The following FGF14 variants were observed in gnomAD, a reference collection of about 807,000 sequenced individuals.
The protein encoded by FGF14 is fibroblast growth factor homologous factor 4.
FGF14 carries 5 observed loss-of-function variants against 25.5 expected under a neutral mutation model. That is an observed-to-expected ratio of 0.20 (90% CI 0.10 to 0.41). The LOEUF (loss-of-function observed/expected upper bound fraction) is 0.41. FGF14 is among the 10% of genes least tolerant of loss of function. The pLI is 1.00. For missense variants in FGF14, 222 were observed against 320.1 expected, an observed-to-expected ratio of 0.69 and a Z score of 2.34; for synonymous variants, 138 against 118.3, an observed-to-expected ratio of 1.17 and a Z score of -1.08.
At chr13:101,857,489 T>A (rs1386023118) in intron 3 of FGF14, among the ~76,000 whole-genome samples, 2 of 152,060 alleles carry the variant, frequency 1.3e-5, no homozygotes, top group Non-Finnish European at 2.9e-5. Context: ...AGATCTAATA[T>A]GTTTCTGCTG....
chr13:102,329,124 G>T (rs947343670), intron 1 of FGF14, among the ~76,000 whole-genome samples: 5 of 152,072 alleles, frequency 3.3e-5, no homozygotes, highest in Admixed American at 2.6e-4. Context: ...ACTTTCAGTT[G>T]AGCAAATAGA....
At chr13:101,814,043 T>C (rs1307560671) in intron 3 of FGF14, among the ~76,000 whole-genome samples, 1 of 152,258 alleles carries the variant, frequency 6.6e-6, no homozygotes, top group Non-Finnish European at 1.5e-5. Context: ...AAGTTATGGA[T>C]GTTTCCACTT....
At chr13:102,123,793 A>G (rs992515182) in intron 1 of FGF14, among the ~76,000 whole-genome samples, 3 of 152,138 alleles carry the variant, frequency 2.0e-5, no homozygotes, top group Non-Finnish European at 2.9e-5. Context: ...TTAAAGAGCT[A>G]GTGGTTAGGC....
intron 1 of FGF14, among the ~76,000 whole-genome samples, chr13:102,109,066 G>A (rs1210852480): frequency 6.7e-6 from 1 of 149,318 alleles, no homozygotes; most frequent in Non-Finnish European, 1.5e-5. Flanking sequence ...AGTAACATGT[G>A]TGTGCATGCA....
At chr13:101,985,475 A>C (rs1198450610) in intron 1 of FGF14, among the ~76,000 whole-genome samples, 2 of 152,126 alleles carry the variant, frequency 1.3e-5, no homozygotes, top group African/African-American at 4.8e-5. Context: ...AAAATGCAGA[A>C]AAATCCCATT....
chr13:102,366,302 G>A (rs994322211), intron 1 of FGF14: 1 of 152,116 alleles, frequency 6.6e-6, no homozygotes, highest in Non-Finnish European at 1.5e-5. Flanking sequence ...TAAATCATGA[G>A]TGACTGAAAT....
chr13:101,882,612 A>G lies in FGF14; in HGVS notation c.194-7316T>C, dbSNP rs2045772045. ...GCATTTCTTTAAATGTTTTATGTTAAAAAAATAAGCAGTGGGTGAATTTAA... is the reference window on the plus strand; with the variant it reads ...GCATTTCTTTAAATGTTTTATGTTAGAAAAATAAGCAGTGGGTGAATTTAA... On this transcript the variant is annotated intron_variant, in intron 1 of 4. Transcript: ENST00000376143. Among the ~76,000 whole-genome samples, 3 of 152,044 alleles carry G rather than the reference A, an allele frequency of 2.0e-5. No individual in the cohort carries two copies. The South Asian group carries it at 6.2e-4, about 32-fold the overall frequency.
At chr13:102,107,570 T>G (rs1019286536) in intron 1 of FGF14, among the ~76,000 whole-genome samples, 3 of 152,208 alleles carry the variant, frequency 2.0e-5, no homozygotes, top group African/African-American at 7.2e-5. Context: ...TTTATTGAGC[T>G]CTTACTAATC....
intron 1 of FGF14, among the ~76,000 whole-genome samples, chr13:102,134,470 C>T (rs549852713): frequency 2.0e-5 from 3 of 152,296 alleles, no homozygotes; most frequent in South Asian, 4.1e-4. Flanking sequence ...TATACCTCCA[C>T]GGGAATCAGT....
chr13:102,075,171 A>C (rs1359204480), intron 1 of FGF14, among the ~76,000 whole-genome samples: 2 of 152,234 alleles, frequency 1.3e-5, no homozygotes, highest in African/African-American at 4.8e-5. Flanking sequence ...TAAACATTAA[A>C]AACTCTGAAG....
At chr13:102,101,338 G>C (rs1479568554) in intron 1 of FGF14, among the ~76,000 whole-genome samples, 1 of 152,050 alleles carries the variant, frequency 6.6e-6, no homozygotes, top group Non-Finnish European at 1.5e-5. Flanking sequence ...ATACATACCT[G>C]GGCCTTCCCC....
intron 3 of FGF14, among the ~76,000 whole-genome samples, chr13:101,733,591 CAAAA>C (rs553475621): frequency 4.4e-4 from 43 of 97,342 alleles, no homozygotes; most frequent in Admixed American, 1.1e-3. Context: ...AAGACTCCAT[CAAAA>C]AAAAAAAAAA....
chr13:101,978,275 A>G (rs1170619958), intron 1 of FGF14, among the ~76,000 whole-genome samples: 5 of 152,198 alleles, frequency 3.3e-5, no homozygotes, highest in Admixed American at 6.5e-5. Flanking sequence ...CCACTTATCT[A>G]TAATATGTGC....
chr13:102,161,644 A>AAGAAGAAGAAGAAGG (rs2047728238), intron 1 of FGF14, among the ~76,000 whole-genome samples: 1 of 17,024 alleles, frequency 5.9e-5, no homozygotes. Flanking sequence ...GAAGAAGAAG[A>AAGAAGAAGAAGAAGG]AGAAGAAGAA....
intron 1 of FGF14, among the ~76,000 whole-genome samples, chr13:102,376,214 T>C (rs201781833): frequency 6.6e-6 from 1 of 152,194 alleles, no homozygotes; most frequent in East Asian, 1.9e-4. Flanking sequence ...TGGTAGTGAA[T>C]AAGTCTCACG....
chr13:102,066,814 C>T (rs2042922743), intron 1 of FGF14, among the ~76,000 whole-genome samples: 2 of 152,134 alleles, frequency 1.3e-5, no homozygotes, highest in South Asian at 4.1e-4. Flanking sequence ...AACAAGAGCT[C>T]CCCCCTTTGT....
rs142009092 is a variant in FGF14 at position 101,901,973 on chromosome 13, T to C, written c.193+14480A>G. On this transcript the variant is annotated intron_variant, in intron 1 of 4. Coordinates refer to ENST00000376143, the MANE Select transcript of FGF14 (RefSeq NM_004115.4). ...GATGAGTTTGGACATATTCATATACTTGTGATACCATCACCACATCAAAGT... is the reference window on the plus strand; with the variant it reads ...GATGAGTTTGGACATATTCATATACCTGTGATACCATCACCACATCAAAGT... Among the ~76,000 whole-genome samples, 9 of 152,320 alleles carry C rather than the reference T, an allele frequency of 5.9e-5. No homozygotes were observed. In the East Asian group the frequency reaches 1.7e-3, roughly 29 times the overall value.
At chr13:102,311,126 CCATTCATTA>C (rs1220901381) in intron 1 of FGF14, among the ~76,000 whole-genome samples, 2 of 152,144 alleles carry the variant, frequency 1.3e-5, no homozygotes, top group African/African-American at 4.8e-5. Context: ...CAGTGTTCTT[CCATTCATTA>C]CATTCAGCAT....
chr13:101,993,931 TA>T (rs916505284), intron 1 of FGF14, among the ~76,000 whole-genome samples: 30 of 151,104 alleles, frequency 2.0e-4, no homozygotes, highest in Admixed American at 4.6e-4. Flanking sequence ...AATAATAAAA[TA>T]AAAAAAAGAA....
Sources: allele counts gnomAD v4.1 joint callset (sites outside exome capture counted in the v4.1 genomes callset), GRCh38; gene constraint gnomAD v4.1.1; transcripts MANE v1.5; gene names NCBI Gene and HGNC (gene_info 2026-07-23, HGNC 2026-07-21).